The following PARP8 variants were observed in gnomAD, a reference collection of about 807,000 sequenced individuals.
PARP8 encodes the protein poly(ADP-ribose) polymerase family member 8.
A neutral mutation model predicts 124.1 loss-of-function variants in PARP8; 51 were observed. The ratio of observed to expected loss-of-function variants is 0.41; its 90% confidence interval spans 0.33 to 0.52. The LOEUF is 0.52. PARP8 is among the 20% of genes least tolerant of loss of function. PARP8 has a pLI of 0.21. For synonymous variants in PARP8, 391 were observed against 361.5 expected, an observed-to-expected ratio of 1.08 and a Z score of -0.93; for missense variants, 860 against 1,018.9, an observed-to-expected ratio of 0.84 and a Z score of 2.12.
rs1748337219 is a variant in PARP8 at position 50,843,089 on chromosome 5, A to G, written c.*1021A>G. ...TCTGCTTATTTTTTTCATATTGAGA[A>G]AGAACACAAACTTGATGCTTCTTTT... On this transcript the variant is annotated 3_prime_UTR_variant, in exon 26 of 26. Transcript: ENST00000281631. The G allele has an allele frequency of 2.1e-4, 1 of 4,830 alleles. No individual in the cohort carries two copies. Among genetic ancestry groups the G allele is most frequent in the Non-Finnish European group, 3.9e-4 (1 of 2,538 alleles). The allele number at this position is 4,830 out of a possible 1,614,324, so 0.3% of individuals were successfully genotyped here. A position where few individuals can be genotyped will look rare whatever the true frequency, so the allele number is the denominator to read the frequency against.
chr5:50,840,863 T>A (rs1748107974), intron 25 of PARP8, among the ~76,000 whole-genome samples: 1 of 151,874 alleles, frequency 6.6e-6, no homozygotes, highest in African/African-American at 2.4e-5. Context: ...CCATGAGGTG[T>A]CATTTCCATG....
At chr5:50,743,565 G>A (rs543553988) in intron 2 of PARP8, among the ~76,000 whole-genome samples, 2 of 152,080 alleles carry the variant, frequency 1.3e-5, no homozygotes, top group East Asian at 3.9e-4. Context: ...TTTTCTTCTA[G>A]AAAGCTCCAG....
rs571594197 is a variant in PARP8 at position 50,777,625 on chromosome 5, C to T, written c.519-444C>T. ...CAGAACACTTGGATTGGTTTCTGAA[C>T]CACTGATGCCTAACTAGAAGGAAAA... On this transcript the variant is annotated intron_variant, in intron 7 of 25. Coordinates refer to ENST00000281631, the MANE Select transcript of PARP8 (RefSeq NM_024615.4). 3.9e-5 allele frequency among the ~76,000 whole-genome samples: 6 copies of T among 152,032 alleles called. No homozygotes were observed. In the East Asian group the frequency reaches 1.2e-3, roughly 29 times the overall value.
At chr5:50,768,315 C>T (rs1761251740) in intron 7 of PARP8, among the ~76,000 whole-genome samples, 1 of 151,612 alleles carries the variant, frequency 6.6e-6, no homozygotes, top group Non-Finnish European at 1.5e-5. Context: ...GCTCAAAGTC[C>T]ATATTCATTG....
chr5:50,836,356 A>G (rs1189549002), intron 25 of PARP8, among the ~76,000 whole-genome samples: 2 of 152,196 alleles, frequency 1.3e-5, no homozygotes, highest in African/African-American at 4.8e-5. Context: ...TCAGAATCCA[A>G]ACAAGAAACA....
chr5:50,800,160 A>G (rs1441613369), intron 14 of PARP8, among the ~76,000 whole-genome samples: 4 of 152,072 alleles, frequency 2.6e-5, no homozygotes, highest in Non-Finnish European at 5.9e-5. Flanking sequence ...ACTTCCTTGG[A>G]TAAGTTTGTT....
chr5:50,762,809 G>A (rs1345624216), intron 6 of PARP8, among the ~76,000 whole-genome samples: 1 of 152,254 alleles, frequency 6.6e-6, no homozygotes, highest in East Asian at 1.9e-4. Context: ...ATTCCTGTTT[G>A]ATTTTTGTTT....
At chr5:50,728,834 A>G (rs2594708) in intron 2 of PARP8, among the ~76,000 whole-genome samples, 77,722 of 151,940 alleles carry the variant, frequency 0.51, 22,586 homozygotes, top group East Asian at 0.65. Context: ...GAAATTGTAT[A>G]ATAAATATTT....
At chr5:50,792,836 G>A (rs551002039) in intron 10 of PARP8, among the ~76,000 whole-genome samples, 15 of 152,124 alleles carry the variant, frequency 9.9e-5, no homozygotes, top group Admixed American at 9.2e-4. Flanking sequence ...GTATGTAACT[G>A]TTTATTCTTC....
chr5:50,765,983 A>AT (rs201259942), intron 7 of PARP8, among the ~76,000 whole-genome samples: 2,280 of 149,684 alleles, frequency 0.015, 66 homozygotes, highest in African/African-American at 0.052. Flanking sequence ...ATTAGGAGTA[A>AT]TTTTTTTTTT....
intron 7 of PARP8, among the ~76,000 whole-genome samples, chr5:50,776,436 A>G (rs1335224201): frequency 2.0e-5 from 3 of 152,126 alleles, no homozygotes; most frequent in African/African-American, 7.2e-5. Context: ...TCCTCTTCAG[A>G]TTTTTAGAAT....
At chr5:50,677,373 C>T (rs1298483473) in intron 2 of PARP8, among the ~76,000 whole-genome samples, 1 of 149,678 alleles carries the variant, frequency 6.7e-6, no homozygotes, top group African/African-American at 2.5e-5. Context: ...ACTTTATTAT[C>T]ACCACAGAAT....
chr5:50,770,093 C>A (rs892131873), intron 7 of PARP8, among the ~76,000 whole-genome samples: 1 of 151,992 alleles, frequency 6.6e-6, no homozygotes, highest in African/African-American at 2.4e-5. Context: ...TGCAACATTT[C>A]CCCCAGGATA....
chr5:50,715,833 T>A (rs1253847050), intron 2 of PARP8, among the ~76,000 whole-genome samples: 1 of 152,052 alleles, frequency 6.6e-6, no homozygotes, highest in East Asian at 1.9e-4. Flanking sequence ...CTCCTTCTTT[T>A]CAGTCTCAAG....
intron 15 of PARP8, among the ~76,000 whole-genome samples, chr5:50,818,189 CAA>C (rs1256286173): frequency 2.9e-5 from 4 of 136,270 alleles, no homozygotes; most frequent in African/African-American, 1.2e-4. Flanking sequence ...CCCCCCCCCC[CAA>C]AAAAAAGAAG....
At chr5:50,718,791 A>T (rs1385261918) in intron 2 of PARP8, among the ~76,000 whole-genome samples, 1 of 152,008 alleles carries the variant, frequency 6.6e-6, no homozygotes, top group African/African-American at 2.4e-5. Context: ...GGGAGTGCAG[A>T]TAGCTTTTTG....
At chr5:50,777,201 G>T (rs1243241418) in intron 7 of PARP8, among the ~76,000 whole-genome samples, 1 of 152,158 alleles carries the variant, frequency 6.6e-6, no homozygotes, top group Non-Finnish European at 1.5e-5. Flanking sequence ...AGCGGAGATG[G>T]CAGTAGTACC....
At chr5:50,787,190 C>G (rs577018606) in intron 9 of PARP8, among the ~76,000 whole-genome samples, 1 of 152,246 alleles carries the variant, frequency 6.6e-6, no homozygotes, top group Non-Finnish European at 1.5e-5. Flanking sequence ...ATGTTCATCA[C>G]CTCCACGGAC....
In PARP8 at chr5:50,795,068, A is replaced by C. The variant is rs202084370; in HGVS notation, c.1079A>C (p.His360Pro). 10 of 1,614,206 alleles carry C rather than the reference A, an allele frequency of 6.2e-6. No homozygotes were observed. The highest frequency in any genetic ancestry group is 8.5e-6 in the Non-Finnish European group (10 of 1,180,042). The change falls in exon 12 of 26, where the codon CAC (histidine) becomes CCC (proline). Residue 360 changes from histidine to proline, a missense_variant. Physicochemically the swap from His to Pro is moderately conservative, Grantham distance 77. This residue lies in a region of PARP8 where 517 missense variants were observed against 544.2 expected (regional missense o/e 0.95). Transcript: ENST00000281631. ...AEQAMTAIKSHKLLNRPCPAA... is the reference protein window; with the variant it reads ...AEQAMTAIKSPKLLNRPCPAA... ...CAGGCTATGACAGCAATTAAATCGCACAAACTTTTGAACCGTCCTTGCCCT... is the reference window on the plus strand; with the variant it reads ...CAGGCTATGACAGCAATTAAATCGCCCAAACTTTTGAACCGTCCTTGCCCT...
Sources: gnomAD v4.1 joint callset for allele counts (sites outside exome capture counted in the v4.1 genomes callset) on GRCh38, gnomAD v4.1.1 for gene constraint, gnomAD v4.1.1 regional missense constraint, MANE v1.5 for transcripts, NCBI Gene and HGNC (gene_info 2026-07-23, HGNC 2026-07-21) for gene names.